Variants in PPFIA1 observed in about 807,000 individuals in gnomAD.
PPFIA1 encodes liprin-alpha-1.
PPFIA1 carries 25 observed loss-of-function variants against 149.9 expected under a neutral mutation model. That is an observed-to-expected ratio of 0.17 (90% confidence interval 0.12 to 0.23). PPFIA1 has a LOEUF of 0.23. Among genes scored for constraint, PPFIA1 ranks in the 10% least tolerant of loss-of-function variants. The probability of loss-of-function intolerance (pLI) is 1.00; values close to 1 mark genes in which losing one functional copy is unlikely to be tolerated. For synonymous variants in PPFIA1, 549 were observed against 552.8 expected, an observed-to-expected ratio of 0.99 and a Z score of 0.10; for missense variants, 1,362 against 1,506.5, an observed-to-expected ratio of 0.90 and a Z score of 1.59.
chr11:70,291,816 A>G (rs966615336), intron 2 of PPFIA1, among the ~76,000 whole-genome samples: 1 of 147,924 alleles, frequency 6.8e-6, no homozygotes, highest in African/African-American at 2.5e-5. Context: ...AACCACAGGC[A>G]TGTGTCACCA....
chr11:70,336,227 G>A (rs895374641), intron 11 of PPFIA1, among the ~76,000 whole-genome samples: 1 of 152,254 alleles, frequency 6.6e-6, no homozygotes, highest in East Asian at 1.9e-4. Flanking sequence ...TTCTGGCTGG[G>A]CGTGGTGGCT....
Position 70,356,223 on chromosome 11 carries a change from C to T in PPFIA1, c.2551C>T (p.Gln851Ter). 6.2e-7 allele frequency: 1 copy of T among 1,613,538 alleles called. No homozygotes were observed. Among genetic ancestry groups the T allele is most frequent in the Non-Finnish European group, 8.5e-7 (1 of 1,179,892 alleles). Residue 851 changes from glutamine to a stop codon, truncating the protein, a stop_gained, in exon 19 of 28, where the codon CAG becomes TAG. Transcript: ENST00000253925. LOFTEE classifies it high-confidence loss of function. ...CTTGGGACTTAGCAAATTGGGGGGA[C>T]AGGCTGAAAAAAATCGTAAACTTCA... ...DALGLSKLGG[Q>*]AEKNRKLQKK...
rs544265612 is a variant in PPFIA1 at position 70,294,764 on chromosome 11, C to T, written c.264+22328C>T. Among the ~76,000 whole-genome samples the T allele has an allele frequency of 2.8e-3, 432 of 151,866 alleles. 1 individual carries two copies. The highest frequency in any genetic ancestry group is 4.5e-3 in the Non-Finnish European group (308 of 67,968). On this transcript the variant is annotated intron_variant, in intron 2 of 27. Transcript: ENST00000253925. ...GGGAGTGGTGATGACTCTTAACGAGCATGCTGCCTTCAAGCATCTGTTTAA... is the reference window on the plus strand; with the variant it reads ...GGGAGTGGTGATGACTCTTAACGAGTATGCTGCCTTCAAGCATCTGTTTAA...
intron 21 of PPFIA1, among the ~76,000 whole-genome samples, chr11:70,371,026 G>A (rs1046783006): frequency 6.6e-6 from 1 of 152,014 alleles, no homozygotes; most frequent in Non-Finnish European, 1.5e-5. Context: ...CCAGATACTC[G>A]GGAGGCTGAG....
intron 21 of PPFIA1, among the ~76,000 whole-genome samples, chr11:70,368,266 T>C (rs763086825): frequency 6.6e-6 from 1 of 152,230 alleles, no homozygotes; most frequent in African/African-American, 2.4e-5. Context: ...TTAGAGAAGG[T>C]AGTGAAGCAT....
intron 15 of PPFIA1, among the ~76,000 whole-genome samples, chr11:70,347,860 G>A (rs761441860): frequency 2.0e-5 from 3 of 151,216 alleles, no homozygotes; most frequent in Admixed American, 6.6e-5. Flanking sequence ...AAAATTAGCC[G>A]GGCATGGTGG....
chr11:70,295,891 G>A (rs1298774211), intron 2 of PPFIA1, among the ~76,000 whole-genome samples: 3 of 151,950 alleles, frequency 2.0e-5, no homozygotes, highest in South Asian at 2.1e-4. Flanking sequence ...CAGACGGGGC[G>A]GCTGCCGGGC....
chr11:70,303,599 C>T (rs2136388451), intron 2 of PPFIA1, among the ~76,000 whole-genome samples: 1 of 152,250 alleles, frequency 6.6e-6, no homozygotes, highest in Non-Finnish European at 1.5e-5. Context: ...GTGCCCTGGC[C>T]CCTGGCACAG....
chr11:70,328,196 G>GAA (rs1297026827), intron 7 of PPFIA1, among the ~76,000 whole-genome samples: 1 of 152,122 alleles, frequency 6.6e-6, no homozygotes, highest in Non-Finnish European at 1.5e-5. Context: ...ACCAAGCCTA[G>GAA]TTATTTTTCC....
At position 70,320,380 on chromosome 11, in the gene PPFIA1, G is replaced by A. The variant is rs373383351; in HGVS notation, c.265-4022G>A. ...GTCAGTAGGAAAGTGGGTTCTTACA[G>A]GGGTAAGGGTAACAGGGACTAAAGT... On this transcript the variant is annotated intron_variant, in intron 2 of 27. Coordinates refer to ENST00000253925, the MANE Select transcript of PPFIA1 (RefSeq NM_003626.5). 2.0e-5 allele frequency among the ~76,000 whole-genome samples: 3 copies of A among 152,306 alleles called. No individual in the cohort carries two copies. In the East Asian group the frequency reaches 5.8e-4, roughly 29 times the overall value.
chr11:70,295,497 CG>C (rs1241659498), intron 2 of PPFIA1, among the ~76,000 whole-genome samples: 1 of 127,914 alleles, frequency 7.8e-6, no homozygotes, highest in Non-Finnish European at 1.6e-5. Flanking sequence ...GGCGGCTGGC[CG>C]GGTGGGGGGG....
At chr11:70,277,782 G>A (rs549789980) in intron 2 of PPFIA1, among the ~76,000 whole-genome samples, 5 of 152,086 alleles carry the variant, frequency 3.3e-5, no homozygotes, top group South Asian at 4.1e-4. Context: ...GAGCCACTGC[G>A]CCCAGCCTAT....
At chr11:70,352,358 A>G (rs765943092) in intron 16 of PPFIA1, among the ~76,000 whole-genome samples, 21 of 152,264 alleles carry the variant, frequency 1.4e-4, no homozygotes, top group Non-Finnish European at 2.2e-4. Context: ...AACAAGACAC[A>G]GAGCACGGCC....
chr11:70,286,126 C>A (rs1297340134), intron 2 of PPFIA1, among the ~76,000 whole-genome samples: 1 of 152,176 alleles, frequency 6.6e-6, no homozygotes, highest in Non-Finnish European at 1.5e-5. Context: ...TACCTGACTG[C>A]CATGCTGTGT....
chr11:70,354,484 G>A (rs772579766), intron 17 of PPFIA1, 32 bp downstream of exon 17: 31 of 1,567,388 alleles, frequency 2.0e-5, no homozygotes, highest in Non-Finnish European at 2.6e-5. Context: ...CATGCAGAGC[G>A]CACCTGTCTT....
At chr11:70,370,148 G>C (rs1024628468) in intron 21 of PPFIA1, among the ~76,000 whole-genome samples, 4 of 151,252 alleles carry the variant, frequency 2.6e-5, no homozygotes, top group Non-Finnish European at 4.4e-5. Context: ...AAGAGGTTTC[G>C]CCATGTTGGC....
chr11:70,370,819 A>T (rs1282011413), intron 21 of PPFIA1, among the ~76,000 whole-genome samples: 1 of 152,086 alleles, frequency 6.6e-6, no homozygotes. Flanking sequence ...ATTTTTTAAA[A>T]ATTTTCTTTA....
At chr11:70,311,024 G>A (rs970616368) in intron 2 of PPFIA1, among the ~76,000 whole-genome samples, 2 of 152,194 alleles carry the variant, frequency 1.3e-5, no homozygotes, top group Non-Finnish European at 2.9e-5. Context: ...GGCAGAGAAT[G>A]CAGACATTCT....
intron 26 of PPFIA1, among the ~76,000 whole-genome samples, chr11:70,379,095 A>G (rs944033823): frequency 3.9e-5 from 6 of 152,310 alleles, no homozygotes; most frequent in East Asian, 1.9e-4. Context: ...TGCCTCATTC[A>G]TTAAGCTGGT....
Sources: gnomAD v4.1 joint callset for allele counts (sites outside exome capture counted in the v4.1 genomes callset) on GRCh38, gnomAD v4.1.1 for gene constraint, MANE v1.5 for transcripts, NCBI Gene and HGNC (gene_info 2026-07-23, HGNC 2026-07-21) for gene names.